The following BRWD1 variants were observed in gnomAD, a reference collection of about 807,000 sequenced individuals.
BRWD1 encodes the protein bromodomain and WD repeat-containing protein 1.
Under a neutral mutation model 251.2 loss-of-function variants are expected in BRWD1, and 82 were observed. The observed-to-expected ratio is 0.33, with a 90% CI of 0.27 to 0.39. The LOEUF is 0.39. Ranked by LOEUF, BRWD1 falls within the 10% of genes least tolerant of loss-of-function variation. BRWD1 has a pLI of 1.00. For synonymous variants in BRWD1, 918 were observed against 902.8 expected (o/e 1.02, Z -0.30); for missense variants, 2,233 against 2,711.6 (o/e 0.82, Z 3.92).
chr21:39,308,268 G>A (rs61300849), intron 4 of BRWD1, among the ~76,000 whole-genome samples: 90,726 of 151,854 alleles, frequency 0.6, 27,318 homozygotes, highest in Admixed American at 0.66. Flanking sequence ...GATCACTGAA[G>A]GTCAGGAGTT....
intron 21 of BRWD1, 46 bp from the exon 22 acceptor site, chr21:39,238,619 C>T: frequency 1.5e-6 from 2 of 1,310,550 alleles, no homozygotes; most frequent in South Asian, 1.2e-5. Context: ...TGAAGTTAAA[C>T]AACACATGTC....
At chr21:39,236,494 C>T (rs1007777630) in intron 23 of BRWD1, 101 bp downstream of exon 23, 4 of 1,106,868 alleles carry the variant, frequency 3.6e-6, no homozygotes, top group Admixed American at 5.1e-5. Context: ...ACCCAAGGCA[C>T]CACTATGCCA....
chr21:39,227,985 G>T (rs562028726), intron 27 of BRWD1, among the ~76,000 whole-genome samples: 1 of 151,992 alleles, frequency 6.6e-6, no homozygotes, highest in Non-Finnish European at 1.5e-5. Flanking sequence ...AAAGTTGCTC[G>T]TCTAAAAAAG....
Position 39,189,427 on chromosome 21 carries a change from A to G in BRWD1, c.*6832T>C. 1 of 969,804 alleles carries G rather than the reference A, an allele frequency of 1.0e-6. No individual in the cohort carries two copies. The allele number at this position is 969,804 out of a possible 1,614,324, so 60.1% of individuals were successfully genotyped here. Reference sequence around the variant, plus strand: ...ACCTAGTAAATACTAATTCTAACACATTTTAATAAATGTTTATTTGTCATC... The same window carrying G: ...ACCTAGTAAATACTAATTCTAACACGTTTTAATAAATGTTTATTTGTCATC... On this transcript the variant is annotated 3_prime_UTR_variant, in exon 41 of 41. Coordinates refer to ENST00000342449, the MANE Select transcript of BRWD1 (RefSeq NM_033656.4).
Position 39,199,101 on chromosome 21 carries a change from G to GT in BRWD1, c.5314dup (p.Thr1772AsnfsTer12). 6.2e-7 allele frequency: 1 copy of GT among 1,614,034 alleles called. No individual in the cohort carries two copies. Among genetic ancestry groups the GT allele is most frequent in the Non-Finnish European group, 8.5e-7 (1 of 1,180,000 alleles). ...CTGCACAGACGTTGATGGGCCAGCA[G>GT]TTCTGTTACATGCATGATCTGAATC... On this transcript the variant is annotated frameshift_variant, in exon 40 of 41. Coordinates refer to ENST00000342449, the MANE Select transcript of BRWD1 (RefSeq NM_033656.4). LOFTEE classifies it high-confidence loss of function.
At chr21:39,238,713 ATAAACT>A (rs1258818081) in intron 21 of BRWD1, 140 bp from the exon 22 acceptor site, 8 of 572,158 alleles carry the variant, frequency 1.4e-5, no homozygotes, top group African/African-American at 3.8e-5. Context: ...ATATAATCAG[ATAAACT>A]TAAAAAGCAA....
intron 29 of BRWD1, among the ~76,000 whole-genome samples, chr21:39,220,680 G>A (rs1601311442): frequency 1.3e-5 from 2 of 152,214 alleles, no homozygotes. Context: ...GCAAAGACAT[G>A]AATGCAGTTA....
In BRWD1 at chr21:39,274,363, T is replaced by C; in HGVS notation, c.1244+11A>G. On this transcript the variant is annotated intron_variant, in intron 13 of 40. Coordinates refer to ENST00000342449, the MANE Select transcript of BRWD1 (RefSeq NM_033656.4). ...CCTATGATGCACCTACTTCTAACAA[T>C]CTCAACTTACCCTGAGATTCTGGTA... 1.2e-6 allele frequency: 2 copies of C among 1,601,586 alleles called. No homozygotes were observed. The highest frequency in any genetic ancestry group is 1.7e-6 in the Non-Finnish European group (2 of 1,168,830).
intron 22 of BRWD1, among the ~76,000 whole-genome samples, chr21:39,237,329 C>A (rs765971667): frequency 2.6e-5 from 4 of 152,080 alleles, no homozygotes; most frequent in Non-Finnish European, 4.4e-5. Flanking sequence ...AGAGACTAGT[C>A]CTAGTCCTTA....
intron 21 of BRWD1, among the ~76,000 whole-genome samples, chr21:39,245,378 A>G (rs1282545496): frequency 6.6e-6 from 1 of 152,222 alleles, no homozygotes; most frequent in African/African-American, 2.4e-5. Flanking sequence ...ACATGTTACC[A>G]CGCCTCTGAA....
At position 39,205,698 on chromosome 21, in the gene BRWD1, G is replaced by T. The variant is rs1008756018; in HGVS notation, c.4364+410C>A. On this transcript the variant is annotated intron_variant, in intron 37 of 40. Coordinates refer to ENST00000342449, the MANE Select transcript of BRWD1 (RefSeq NM_033656.4). ...GAGGCAGGAGAACTGCTTGACCCGG[G>T]AGGCAGAGGTTGCAGTCAGCCAAGA... Among the ~76,000 whole-genome samples, 3 of 152,168 alleles carry T rather than the reference G, an allele frequency of 2.0e-5. No homozygotes were observed. The South Asian group carries it at 6.2e-4, about 32-fold the overall frequency.
chr21:39,315,288 A>G (rs1040971588), upstream of BRWD1, among the ~76,000 whole-genome samples: 1 of 151,672 alleles, frequency 6.6e-6, no homozygotes, highest in Admixed American at 6.6e-5. Context: ...TACATGCATG[A>G]GCCACTGCGC....
intron 21 of BRWD1, among the ~76,000 whole-genome samples, chr21:39,246,388 C>A (rs180730718): frequency 2.4e-4 from 36 of 152,256 alleles, no homozygotes; most frequent in Non-Finnish European, 4.6e-4. Flanking sequence ...TGTAGAGAAA[C>A]TGGAACTCTC....
At position 39,265,007 on chromosome 21, in the gene BRWD1, C is replaced by T; in HGVS notation, c.1543G>A (p.Gly515Arg). 1 of 1,612,740 alleles carries T rather than the reference C, an allele frequency of 6.2e-7. No individual in the cohort carries two copies. Among genetic ancestry groups the T allele is most frequent in the Non-Finnish European group, 8.5e-7 (1 of 1,179,688 alleles). ...KHYFNMIEGQ[G>R]HGAVFDCKFS... ...TTACAGTCAAACACAGCTCCATGTC[C>T]TTGTCCTTCAATCTAGGAAACACAA... is the stretch of plus-strand genomic sequence containing the variant. The change falls in exon 16 of 41, where the codon GGA becomes AGA. Residue 515 changes from glycine (G) to arginine (R), a missense_variant. Coordinates refer to ENST00000342449, the MANE Select transcript of BRWD1 (RefSeq NM_033656.4).
Position 39,189,791 on chromosome 21 carries a change from A to G in BRWD1, c.*6468T>C, listed in dbSNP as rs1323905012. ...AAACAGTTTTAGAAATATATATAGG[A>G]TATTTCAGGGTTAGAAGTCAAATTT... On this transcript the variant is annotated 3_prime_UTR_variant, in exon 41 of 41. Transcript: ENST00000342449. 11 of 985,016 alleles carry G rather than the reference A, an allele frequency of 1.1e-5. No individual in the cohort carries two copies. The South Asian group carries it at 2.8e-4, about 25-fold the overall frequency. The allele number at this position is 985,016 out of a possible 1,614,324, so 61.0% of individuals were successfully genotyped here.
chr21:39,187,891 G>A lies in BRWD1; in HGVS notation c.*8368C>T, dbSNP rs1178305318. On this transcript the variant is annotated 3_prime_UTR_variant, in exon 41 of 41. Coordinates refer to ENST00000342449, the MANE Select transcript of BRWD1 (RefSeq NM_033656.4). ...AGACTGGAAACCTAACCTAGCCTAA[G>A]GGATCAAGGAAGGCTTCCTTTAAGG... 1 of 979,912 alleles carries A rather than the reference G, an allele frequency of 1.0e-6. No individual in the cohort carries two copies. Among genetic ancestry groups the A allele is most frequent in the African/African-American group, 1.8e-5 (1 of 57,080 alleles). The allele number at this position is 979,912 out of a possible 1,614,324, so 60.7% of individuals were successfully genotyped here.
chr21:39,218,777 T>TA (rs2033056521), intron 29 of BRWD1, 117 bp from the exon 30 acceptor site: 1 of 818,096 alleles, frequency 1.2e-6, no homozygotes, highest in African/African-American at 1.8e-5. Context: ...CAGTCAAAAA[T>TA]AGAGTTCAAA....
At position 39,258,559 on chromosome 21, in the gene BRWD1, C is replaced by A; in HGVS notation, c.1999G>T (p.Asp667Tyr). 1 of 1,613,640 alleles carries A rather than the reference C, an allele frequency of 6.2e-7. No homozygotes were observed. Among genetic ancestry groups the A allele is most frequent in the African/African-American group, 1.3e-5 (1 of 75,040 alleles). Residue 667 changes from aspartate (D) to tyrosine (Y), a missense_variant, in exon 18 of 41, where the codon GAT (aspartate) becomes TAT (tyrosine). Asp to Tyr is a radical substitution (Grantham distance 160, BLOSUM62 -3). This residue lies in a region of BRWD1 where 73 missense variants were observed against 68.1 expected (regional missense o/e 1.07). Transcript: ENST00000342449. ...GMIRQLQQQQ[D>Y]QRMGADQDTI... Reference sequence around the variant, plus strand: ...TCCTGATCTGCTCCCATTCTCTGATCTTGCTGCTGCTGCAACTGTCTTATC... The same window carrying A: ...TCCTGATCTGCTCCCATTCTCTGATATTGCTGCTGCTGCAACTGTCTTATC...
chr21:39,216,213 A>C (rs1399992555), intron 31 of BRWD1, among the ~76,000 whole-genome samples: 1 of 152,166 alleles, frequency 6.6e-6, no homozygotes, highest in Non-Finnish European at 1.5e-5. Flanking sequence ...AAGAATAGGA[A>C]ATTTTATACT....
Sources: gnomAD v4.1 joint callset for allele counts (sites outside exome capture counted in the v4.1 genomes callset) on GRCh38, gnomAD v4.1.1 for gene constraint, gnomAD v4.1.1 regional missense constraint, MANE v1.5 for transcripts, NCBI Gene and HGNC (gene_info 2026-07-23, HGNC 2026-07-21) for gene names.